Variants in TSPAN9 observed in about 807,000 individuals in gnomAD.
The protein encoded by TSPAN9 is tetraspanin 9, also known as tetraspanin-9.
TSPAN9 carries 16 observed loss-of-function variants against 31.0 expected under a neutral mutation model. The ratio of observed to expected loss-of-function variants is 0.52; its 90% confidence interval spans 0.35 to 0.78. The LOEUF is 0.78. TSPAN9 is among the 30% of genes least tolerant of loss of function. TSPAN9 has a pLI of 0.01. For missense variants in TSPAN9, 272 were observed against 312.5 expected, an observed-to-expected ratio of 0.87 and a Z score of 0.98; for synonymous variants, 145 against 121.6, an observed-to-expected ratio of 1.19 and a Z score of -1.27.
At chr12:3,250,789 C>T (rs1404844473) in intron 3 of TSPAN9, among the ~76,000 whole-genome samples, 2 of 152,228 alleles carry the variant, frequency 1.3e-5, no homozygotes, top group Non-Finnish European at 2.9e-5. Flanking sequence ...CAGAGCTTGG[C>T]TTTCGGGTGA....
intron 3 of TSPAN9, among the ~76,000 whole-genome samples, chr12:3,213,883 C>A (rs979421555): frequency 2.6e-5 from 4 of 152,210 alleles, no homozygotes; most frequent in African/African-American, 9.7e-5. Flanking sequence ...CCTGCGGGAT[C>A]CTGGGGTGCC....
At chr12:3,218,471 G>A (rs2098382544) in intron 3 of TSPAN9, among the ~76,000 whole-genome samples, 1 of 152,270 alleles carries the variant, frequency 6.6e-6, no homozygotes, top group Non-Finnish European at 1.5e-5. Context: ...CTAGGGATCT[G>A]GTTGGGGCTA....
Position 3,109,005 on chromosome 12 carries a change from C to A in TSPAN9, c.-18+25286C>A, listed in dbSNP as rs540017011. Reference sequence around the variant, plus strand: ...GGCTGCAGTGCAGTGGCGCGATCTCCGCTCACTGCAAGCTCCGCCTCTCGG... The same window carrying A: ...GGCTGCAGTGCAGTGGCGCGATCTCAGCTCACTGCAAGCTCCGCCTCTCGG... On this transcript the variant is annotated intron_variant, in intron 2 of 8. Transcript: ENST00000011898. 1.2e-4 allele frequency among the ~76,000 whole-genome samples: 18 copies of A among 151,722 alleles called. 1 individual carries two copies. Among genetic ancestry groups the A allele is most frequent in the Admixed American group, 7.2e-4 (11 of 15,228 alleles).
chr12:3,132,528 G>A (rs920076184), intron 2 of TSPAN9, among the ~76,000 whole-genome samples: 5 of 151,886 alleles, frequency 3.3e-5, no homozygotes, highest in African/African-American at 1.2e-4. Flanking sequence ...ATGACATGGA[G>A]CATTCTCCTT....
intron 3 of TSPAN9, among the ~76,000 whole-genome samples, chr12:3,243,481 C>T (rs534333364): frequency 6.6e-6 from 1 of 152,340 alleles, no homozygotes; most frequent in Non-Finnish European, 1.5e-5. Context: ...AAGCCCCTCA[C>T]TCTTCCCATC....
intron 2 of TSPAN9, among the ~76,000 whole-genome samples, chr12:3,171,465 T>G (rs979817335): frequency 6.6e-6 from 1 of 152,188 alleles, no homozygotes; most frequent in African/African-American, 2.4e-5. Flanking sequence ...CTGGATGTCC[T>G]GATAGCCCCT....
At position 3,107,185 on chromosome 12, in the gene TSPAN9, TG is replaced by T. The variant is rs1355779026; in HGVS notation, c.-18+23470del. On this transcript the variant is annotated intron_variant, in intron 2 of 8. Coordinates refer to ENST00000011898, the MANE Select transcript of TSPAN9 (RefSeq NM_006675.5). This position sits in a 1 kb window ranked among gnomAD's most constrained non-coding sequence, Gnocchi z 4.1. ...CTTGAGCCGCCGGCGGCCCCCTCCG[TG>T]GGGAGTGGGGGAGGGAGGCTCTATC... 2.6e-5 allele frequency among the ~76,000 whole-genome samples: 4 copies of T among 151,358 alleles called. No individual in the cohort carries two copies. Among genetic ancestry groups the T allele is most frequent in the Non-Finnish European group, 5.9e-5 (4 of 67,818 alleles).
chr12:3,248,853 A>G (rs952807031), intron 3 of TSPAN9, among the ~76,000 whole-genome samples: 2 of 152,086 alleles, frequency 1.3e-5, no homozygotes, highest in African/African-American at 4.8e-5. Flanking sequence ...TCTTGCTTCA[A>G]AAGTCCTCCT....
At chr12:3,232,031 C>T (rs771155153) in intron 3 of TSPAN9, among the ~76,000 whole-genome samples, 10 of 152,204 alleles carry the variant, frequency 6.6e-5, no homozygotes, top group East Asian at 3.9e-4. Context: ...GCCTTCACCA[C>T]GGGCCTCTTC....
chr12:3,110,120 C>G (rs1277110352), intron 2 of TSPAN9, among the ~76,000 whole-genome samples: 4 of 151,828 alleles, frequency 2.6e-5, no homozygotes, highest in African/African-American at 7.2e-5. Flanking sequence ...AGCACAAGAC[C>G]GGGAGTGGGC....
At chr12:3,282,326 C>T (rs1179279199) in intron 8 of TSPAN9, among the ~76,000 whole-genome samples, 2 of 152,058 alleles carry the variant, frequency 1.3e-5, no homozygotes, top group Non-Finnish European at 2.9e-5. Context: ...GGAAAGACAG[C>T]CCTGCTGCTG....
intron 2 of TSPAN9, among the ~76,000 whole-genome samples, chr12:3,164,142 A>C (rs1213126441): frequency 6.6e-6 from 1 of 152,212 alleles, no homozygotes; most frequent in African/African-American, 2.4e-5. Context: ...GAAGGAAGGA[A>C]ACGGTGGCCT....
At chr12:3,139,589 G>A (rs951871488) in intron 2 of TSPAN9, among the ~76,000 whole-genome samples, 2 of 151,676 alleles carry the variant, frequency 1.3e-5, no homozygotes, top group Non-Finnish European at 2.9e-5. Context: ...TTTTTTTTGA[G>A]ACAGGGTCTT....
intron 3 of TSPAN9, among the ~76,000 whole-genome samples, chr12:3,243,654 C>T (rs1402702133): frequency 6.6e-6 from 1 of 152,150 alleles, no homozygotes; most frequent in East Asian, 1.9e-4. Context: ...CTCCTGCTGT[C>T]ACCCTCCCTG....
At chr12:3,257,434 G>A (rs551793115) in intron 3 of TSPAN9, among the ~76,000 whole-genome samples, 1 of 151,900 alleles carries the variant, frequency 6.6e-6, no homozygotes, top group Non-Finnish European at 1.5e-5. Context: ...CCAGGACTGT[G>A]AAATCTGGTT....
chr12:3,201,106 C>T (rs2098371293), intron 2 of TSPAN9, 71 bp from the exon 3 acceptor site: 3 of 1,396,580 alleles, frequency 2.1e-6, no homozygotes, highest in African/African-American at 2.8e-5. Flanking sequence ...TTAAGACCGA[C>T]AAGTGCAATG....
At position 3,283,934 on chromosome 12, in the gene TSPAN9, C is replaced by T. The variant is rs67551338; in HGVS notation, c.*818C>T. ...TCTGAGGACAGGAGCCTGGGAGAGG[C>T]GGGTGGAGCGTGAAGCAGGCTGGAG... On this transcript the variant is annotated 3_prime_UTR_variant, in exon 9 of 9. Transcript: ENST00000011898. 0.042 allele frequency: 6,400 copies of T among 152,540 alleles called. 184 individuals are homozygous for T. Among genetic ancestry groups the T allele is most frequent in the Non-Finnish European group, 0.063 (4,279 of 68,186 alleles). The allele number at this position is 152,540 out of a possible 1,614,324, so 9.4% of individuals were successfully genotyped here.
intron 3 of TSPAN9, chr12:3,212,054 C>G: frequency 1.7e-6 from 1 of 589,108 alleles, no homozygotes; most frequent in Non-Finnish European, 3.0e-6. Flanking sequence ...TCATCGGAAC[C>G]TCTGCCTCCC....
intron 3 of TSPAN9, among the ~76,000 whole-genome samples, chr12:3,205,343 G>T (rs1305346587): frequency 6.6e-6 from 1 of 152,218 alleles, no homozygotes; most frequent in Non-Finnish European, 1.5e-5. Context: ...AAAGGTTGGC[G>T]CAGGGTGGCC....
Sources: gnomAD v4.1 joint callset for allele counts (sites outside exome capture counted in the v4.1 genomes callset) on GRCh38, gnomAD v4.1.1 for gene constraint, Gnocchi (gnomAD v3.1) non-coding constraint, MANE v1.5 for transcripts, NCBI Gene and HGNC (gene_info 2026-07-23, HGNC 2026-07-21) for gene names.